GRID2: variants seen among roughly 807,000 people sequenced by gnomAD.
The protein encoded by GRID2 is glutamate receptor ionotropic, delta-2.
In GRID2, 33 loss-of-function variants were observed where a neutral mutation model predicts 114.8. The observed-to-expected ratio is 0.29, with a 90% CI of 0.22 to 0.38. GRID2 has a LOEUF of 0.38. GRID2 is among the 10% of genes least tolerant of loss of function. The pLI is 1.00. For synonymous variants in GRID2, 505 were observed against 449.9 expected (o/e 1.12, Z -1.55); for missense variants, 1,184 against 1,257.7 (o/e 0.94, Z 0.89).
intron 1 of GRID2, among the ~76,000 whole-genome samples, chr4:92,486,154 TATAA>T (rs887596467): frequency 6.6e-6 from 1 of 151,064 alleles, no homozygotes; most frequent in Non-Finnish European, 1.5e-5. Flanking sequence ...AATATAAAAA[TATAA>T]ATAAAATAAA....
intron 2 of GRID2, among the ~76,000 whole-genome samples, chr4:92,986,682 C>G (rs2149196527): frequency 6.6e-6 from 1 of 152,236 alleles, no homozygotes; most frequent in East Asian, 1.9e-4. Flanking sequence ...GTATTTGCAA[C>G]TTTCCTGTAA....
intron 11 of GRID2, among the ~76,000 whole-genome samples, chr4:93,470,962 C>A (rs1724748714): frequency 6.6e-6 from 1 of 151,868 alleles, no homozygotes; most frequent in African/African-American, 2.4e-5. Flanking sequence ...ACAAGTAACA[C>A]AATGTTTGTT....
chr4:93,002,805 A>G (rs1469633814), intron 2 of GRID2, among the ~76,000 whole-genome samples: 1 of 151,770 alleles, frequency 6.6e-6, no homozygotes, highest in Non-Finnish European at 1.5e-5. Context: ...ACATTTCTGG[A>G]GATCAGAATT....
rs544727574 is a variant in GRID2 at position 92,421,555 on chromosome 4, G to A, written c.88+116811G>A. Among the ~76,000 whole-genome samples the A allele has an allele frequency of 2.0e-5, 3 of 152,238 alleles. No individual in the cohort carries two copies. The South Asian group carries it at 6.2e-4, about 32-fold the overall frequency. ...TTTGACCCTGTAAGATCTATCTGCT[G>A]TAGGCCCACTGCTAAGAGTCTGGTA... On this transcript the variant is annotated intron_variant, in intron 1 of 15. Transcript: ENST00000282020.
At chr4:93,070,056 T>A (rs561137662) in intron 2 of GRID2, among the ~76,000 whole-genome samples, 1 of 152,240 alleles carries the variant, frequency 6.6e-6, no homozygotes, top group South Asian at 2.1e-4. Flanking sequence ...AGAAGAAACA[T>A]TACCTTTTTA....
chr4:93,252,347 T>TTTC (rs1554018054), intron 8 of GRID2, among the ~76,000 whole-genome samples: 4 of 149,394 alleles, frequency 2.7e-5, no homozygotes, highest in African/African-American at 9.9e-5. Flanking sequence ...TTTTTTTTTT[T>TTTC]GGTTAGGTTT....
chr4:93,667,082 GAC>G (rs1724009899), intron 14 of GRID2, among the ~76,000 whole-genome samples: 2 of 152,088 alleles, frequency 1.3e-5, no homozygotes, highest in Admixed American at 1.3e-4. Context: ...GAGATAAAAA[GAC>G]AAATAAATTG....
At chr4:93,758,786 C>A (rs1475707287) in intron 14 of GRID2, among the ~76,000 whole-genome samples, 1 of 152,120 alleles carries the variant, frequency 6.6e-6, no homozygotes, top group African/African-American at 2.4e-5. Flanking sequence ...CATAAACATG[C>A]ATTTGAAAGT....
intron 10 of GRID2, among the ~76,000 whole-genome samples, chr4:93,438,082 C>T (rs527613140): frequency 2.2e-4 from 33 of 152,048 alleles, no homozygotes; most frequent in Admixed American, 3.9e-4. Context: ...AGCAGAATGC[C>T]CTAAATTCAT....
intron 14 of GRID2, among the ~76,000 whole-genome samples, chr4:93,677,715 A>C (rs576619343): frequency 7.2e-4 from 110 of 152,304 alleles, no homozygotes; most frequent in African/African-American, 2.5e-3. Context: ...CCTGCAACAG[A>C]GGGTCCTGTC....
At position 93,110,823 on chromosome 4, in the gene GRID2, A is replaced by G; in HGVS notation, c.605A>G (p.Asn202Ser). 6.2e-7 allele frequency: 1 copy of G among 1,611,680 alleles called. No homozygotes were observed. Among genetic ancestry groups the G allele is most frequent in the Non-Finnish European group, 8.5e-7 (1 of 1,177,780 alleles). Residue 202 changes from asparagine to serine, a missense_variant, in exon 4 of 16, where the codon AAC becomes AGC. Transcript: ENST00000282020. Reference protein sequence around the residue: ...GMDVALQKVENNINKMITTLF... With the variant: ...GMDVALQKVESNINKMITTLF... ...GATGTTGCACTTCAGAAGGTAGAAA[A>G]CAACATCAATAAAATGATTACCACT...
intron 2 of GRID2, among the ~76,000 whole-genome samples, chr4:92,672,131 TC>T: frequency 6.6e-6 from 1 of 152,298 alleles, no homozygotes; most frequent in South Asian, 2.1e-4. Context: ...TCAAACATAT[TC>T]AAATGAGAGA....
chr4:92,442,357 C>A (rs1398750045), intron 1 of GRID2, among the ~76,000 whole-genome samples: 4 of 151,952 alleles, frequency 2.6e-5, no homozygotes, highest in South Asian at 4.2e-4. Flanking sequence ...ACAGATGGGA[C>A]ACGGCTTAGG....
intron 2 of GRID2, among the ~76,000 whole-genome samples, chr4:93,029,114 T>C (rs1560809383): frequency 6.6e-6 from 1 of 152,108 alleles, no homozygotes; most frequent in Non-Finnish European, 1.5e-5. Context: ...TTTAGATTAT[T>C]AAAATGAGGC....
chr4:92,925,831 A>G (rs1193442464), intron 2 of GRID2, among the ~76,000 whole-genome samples: 1 of 151,990 alleles, frequency 6.6e-6, no homozygotes, highest in Non-Finnish European at 1.5e-5. Flanking sequence ...AAGCCTTTTT[A>G]TTTAGAATTA....
At chr4:93,396,773 G>A (rs553134662) in intron 9 of GRID2, among the ~76,000 whole-genome samples, 66 of 151,874 alleles carry the variant, frequency 4.3e-4, no homozygotes, top group Non-Finnish European at 6.8e-4. Context: ...ACAATAAGAT[G>A]TTAATAGAAA....
chr4:92,372,410 G>A (rs1729159866), intron 1 of GRID2, among the ~76,000 whole-genome samples: 1 of 152,036 alleles, frequency 6.6e-6, no homozygotes. Context: ...CTTCAGCAAC[G>A]GGCACCCTGA....
chr4:93,625,720 C>T (rs1018875760), intron 13 of GRID2, among the ~76,000 whole-genome samples: 1 of 152,006 alleles, frequency 6.6e-6, no homozygotes, highest in African/African-American at 2.4e-5. Context: ...TTGAGACCAT[C>T]CTGGCTAACA....
At chr4:93,669,895 G>A (rs1015704375) in intron 14 of GRID2, among the ~76,000 whole-genome samples, 1 of 151,990 alleles carries the variant, frequency 6.6e-6, no homozygotes, top group Non-Finnish European at 1.5e-5. Flanking sequence ...ATCTGGACCT[G>A]GACGTTTTTC....
Sources: gnomAD v4.1 joint callset for allele counts (sites outside exome capture counted in the v4.1 genomes callset) on GRCh38, gnomAD v4.1.1 for gene constraint, MANE v1.5 for transcripts, NCBI Gene and HGNC (gene_info 2026-07-23, HGNC 2026-07-21) for gene names.